Variants in ZNF704 observed in about 807,000 individuals in gnomAD.
ZNF704 encodes the protein glucocorticoid induced gene 1.
ZNF704 carries 10 observed loss-of-function variants against 44.7 expected under a neutral mutation model. The ratio of observed to expected loss-of-function variants is 0.22; its 90% CI spans 0.14 to 0.38. The LOEUF (loss-of-function observed/expected upper bound fraction) is 0.38. Ranked by LOEUF, ZNF704 falls within the 10% of genes least tolerant of loss-of-function variation. The pLI, the probability that ZNF704 is intolerant of heterozygous loss-of-function variation, is 1.00. For missense variants in ZNF704, 390 were observed against 545.5 expected (o/e 0.71, Z 2.84); for synonymous variants, 211 against 207.6 (o/e 1.02, Z -0.14).
At chr8:80,880,812 G>T in the ZNF704 span, among the ~76,000 whole-genome samples, 2 of 152,196 alleles carry the variant, frequency 1.3e-5, no homozygotes. Flanking sequence ...AAGTTTTAAA[G>T]TAAGTGAAAG....
chr8:80,846,822 C>CA (rs1440918772), intron 1 of ZNF704, among the ~76,000 whole-genome samples: 1 of 152,102 alleles, frequency 6.6e-6, no homozygotes, highest in African/African-American at 2.4e-5. Context: ...GATCAACATA[C>CA]AAAAAACAGT....
intron 7 of ZNF704, among the ~76,000 whole-genome samples, chr8:80,648,929 T>A (rs1563503941): frequency 6.6e-6 from 1 of 152,190 alleles, no homozygotes; most frequent in Admixed American, 6.5e-5. Flanking sequence ...TCTTCCATCC[T>A]GCCATATCGT....
intron 2 of ZNF704, among the ~76,000 whole-genome samples, chr8:80,706,448 C>G (rs1300953086): frequency 6.6e-6 from 1 of 152,132 alleles, no homozygotes; most frequent in African/African-American, 2.4e-5. Context: ...ATGTTGGCAA[C>G]AGACTGAAAC....
chr8:80,726,979 T>C (rs1414295570), intron 2 of ZNF704, among the ~76,000 whole-genome samples: 1 of 152,168 alleles, frequency 6.6e-6, no homozygotes, highest in Non-Finnish European at 1.5e-5. Context: ...TACCATGTAA[T>C]AGTCATTTAA....
intron 2 of ZNF704, among the ~76,000 whole-genome samples, chr8:80,707,509 A>C (rs762344480): frequency 3.3e-5 from 5 of 152,150 alleles, no homozygotes; most frequent in Non-Finnish European, 5.9e-5. Context: ...ATTTCAATTC[A>C]ACTCATATAC....
At chr8:80,645,597 A>G (rs1162922485) in intron 7 of ZNF704, among the ~76,000 whole-genome samples, 1 of 152,058 alleles carries the variant, frequency 6.6e-6, no homozygotes, top group Non-Finnish European at 1.5e-5. Flanking sequence ...TTGAGTTTAC[A>G]TAAGACTGTG....
chr8:80,848,698 A>G (rs1248644448), intron 1 of ZNF704, among the ~76,000 whole-genome samples: 2 of 152,000 alleles, frequency 1.3e-5, no homozygotes, highest in South Asian at 2.1e-4. Flanking sequence ...TCAGCTAGGC[A>G]TGGTAGTGTG....
chr8:80,687,146 A>G, intron 4 of ZNF704, 80 bp downstream of exon 4: 1 of 1,245,258 alleles, frequency 8.0e-7, no homozygotes, highest in South Asian at 1.4e-5. Flanking sequence ...TCCAAGGTTA[A>G]GCTCACACCG....
intron 2 of ZNF704, among the ~76,000 whole-genome samples, chr8:80,757,468 C>A (rs969081064): frequency 1.3e-5 from 2 of 151,140 alleles, no homozygotes; most frequent in African/African-American, 4.9e-5. Context: ...AAAAAAAAAA[C>A]CTTAAATGTT....
chr8:80,807,443 G>A (rs1808007905), intron 2 of ZNF704, among the ~76,000 whole-genome samples: 1 of 151,996 alleles, frequency 6.6e-6, no homozygotes, highest in African/African-American at 2.4e-5. Flanking sequence ...AGGAAAAAAA[G>A]CTTACTGAAT....
intron 2 of ZNF704, among the ~76,000 whole-genome samples, chr8:80,794,551 G>A (rs1807766521): frequency 1.3e-5 from 2 of 152,122 alleles, no homozygotes; most frequent in African/African-American, 4.8e-5. Flanking sequence ...CACATTGAAA[G>A]AAACCAAAAA....
chr8:80,674,113 A>G (rs35400563), intron 4 of ZNF704, among the ~76,000 whole-genome samples: 12,222 of 152,240 alleles, frequency 0.08, 528 homozygotes, highest in Middle Eastern at 0.15. Flanking sequence ...CTTTAAGTAC[A>G]TGATCCTTAT....
intron 1 of ZNF704, among the ~76,000 whole-genome samples, chr8:80,857,424 A>AT (rs1808981359): frequency 1.3e-5 from 2 of 152,180 alleles, no homozygotes; most frequent in South Asian, 4.1e-4. Context: ...TAAATCATGA[A>AT]TGAGTATTGA....
chr8:80,705,115 G>C (rs939969548), intron 2 of ZNF704, among the ~76,000 whole-genome samples: 1 of 152,176 alleles, frequency 6.6e-6, no homozygotes, highest in African/African-American at 2.4e-5. Flanking sequence ...CCACACATTT[G>C]GTGTCAGAAG....
intron 2 of ZNF704, among the ~76,000 whole-genome samples, chr8:80,739,272 G>T (rs958163091): frequency 6.6e-6 from 1 of 152,182 alleles, no homozygotes; most frequent in African/African-American, 2.4e-5. Context: ...TTATACATCA[G>T]GTGCTCAGAT....
intron 3 of ZNF704, among the ~76,000 whole-genome samples, chr8:80,690,021 C>G (rs999209912): frequency 6.6e-6 from 1 of 150,872 alleles, no homozygotes; most frequent in South Asian, 2.1e-4. Flanking sequence ...TCCAAAAACT[C>G]ATTGATGTGC....
At chr8:80,881,652 G>A in the ZNF704 span, among the ~76,000 whole-genome samples, 7 of 152,170 alleles carry the variant, frequency 4.6e-5, no homozygotes, top group African/African-American at 1.7e-4. Flanking sequence ...AATAGGCAGG[G>A]CGCAGTGGCT....
intron 7 of ZNF704, among the ~76,000 whole-genome samples, chr8:80,645,756 T>C (rs1395694640): frequency 6.6e-6 from 1 of 152,212 alleles, no homozygotes; most frequent in Admixed American, 6.5e-5. Flanking sequence ...ACCTCTTTTC[T>C]TTATAACTTA....
At chr8:80,733,636 A>C (rs145062252) in intron 2 of ZNF704, among the ~76,000 whole-genome samples, 5 of 152,154 alleles carry the variant, frequency 3.3e-5, no homozygotes, top group African/African-American at 1.2e-4. Context: ...CTGGATTTCA[A>C]ATTTTATTCC....
Sources: allele counts gnomAD v4.1 joint callset (sites outside exome capture counted in the v4.1 genomes callset), GRCh38; gene constraint gnomAD v4.1.1; transcripts MANE v1.5; gene names NCBI Gene and HGNC (gene_info 2026-07-23, HGNC 2026-07-21).